FGD1: variants seen among roughly 807,000 people sequenced by gnomAD.
The protein encoded by FGD1 is FYVE, RhoGEF and PH domain-containing protein 1.
Under a neutral mutation model 65.0 loss-of-function variants are expected in FGD1, and 12 were observed. The ratio of observed to expected loss-of-function variants is 0.18; its 90% confidence interval spans 0.12 to 0.30. The LOEUF (loss-of-function observed/expected upper bound fraction) is 0.30. Among genes scored for constraint, FGD1 ranks in the 10% least tolerant of loss-of-function variants. The probability of loss-of-function intolerance (pLI) is 1.00; values close to 1 mark genes in which losing one functional copy is unlikely to be tolerated. For synonymous variants in FGD1, 333 were observed against 343.9 expected, an observed-to-expected ratio of 0.97 and a Z score of 0.35; for missense variants, 542 against 837.6, an observed-to-expected ratio of 0.65 and a Z score of 4.36.
chrX:54,494,402 C>CTTTTT (rs56235590), intron 1 of FGD1, among the ~76,000 whole-genome samples: 15 of 60,691 alleles, frequency 2.5e-4, no homozygotes, highest in East Asian at 6.8e-4. Context: ...CACCGTCTTT[C>CTTTTT]TTTTTTTTTT....
At chrX:54,471,531 C>A in intron 1 of FGD1, 44 bp from the exon 2 acceptor site, 2 of 1,145,763 alleles carry the variant, frequency 1.7e-6, no homozygotes, top group Non-Finnish European at 1.2e-6. Context: ...TGACTTTAAC[C>A]CAAAGGGGAC....
At chrX:54,482,427 C>CG (rs35333446) in intron 1 of FGD1, among the ~76,000 whole-genome samples, 1 of 112,107 alleles carries the variant, frequency 8.9e-6, no homozygotes, top group Admixed American at 9.4e-5. Context: ...TCCCCCGCCC[C>CG]GGGAGGAGCT....
chrX:54,477,938 C>T (rs766364492), intron 1 of FGD1, among the ~76,000 whole-genome samples: 4 of 108,256 alleles, frequency 3.7e-5, no homozygotes, highest in East Asian at 6.0e-4. Flanking sequence ...ACCAACATGG[C>T]GAAACACCGT....
chrX:54,475,662 G>A (rs1434757827), intron 1 of FGD1, among the ~76,000 whole-genome samples: 1 of 112,331 alleles, frequency 8.9e-6, no homozygotes, highest in African/African-American at 3.2e-5. Context: ...TTGGCTCCAA[G>A]TCTTGCTCCC....
chrX:54,473,411 A>T (rs1210207873), intron 1 of FGD1, among the ~76,000 whole-genome samples: 1 of 111,783 alleles, frequency 8.9e-6, no homozygotes, highest in African/African-American at 3.3e-5. Context: ...ACACAATCAC[A>T]TACAGTGGCA....
intron 8 of FGD1, among the ~76,000 whole-genome samples, chrX:54,462,215 G>C (rs1330561794): frequency 9.0e-6 from 1 of 110,932 alleles, no homozygotes; most frequent in Non-Finnish European, 1.9e-5. Flanking sequence ...GGAGGAATGA[G>C]GTACTTACTT....
intron 1 of FGD1, among the ~76,000 whole-genome samples, chrX:54,484,699 G>T (rs931107984): frequency 8.9e-6 from 1 of 112,569 alleles, no homozygotes; most frequent in Non-Finnish European, 1.9e-5. Context: ...CCGTTTGGAG[G>T]TGTCACACCT....
Position 54,464,127 on chromosome X carries a change from C to CTTT in FGD1, c.1636+1321_1636+1323dup, listed in dbSNP as rs1195226924. Among the ~76,000 whole-genome samples the CTTT allele has an allele frequency of 2.8e-3, 139 of 50,514 alleles. 5 individuals carry two copies. The highest frequency in any genetic ancestry group is 7.9e-3 in the African/African-American group (80 of 10,164). The allele number at this position is 50,514 out of a possible 115,157, so 43.9% of individuals were successfully genotyped here. A position where few individuals can be genotyped will look rare whatever the true frequency, so the allele number is the denominator to read the frequency against. On this transcript the variant is annotated intron_variant, in intron 8 of 17. Transcript: ENST00000375135. ...CAGGCACCCACCACCACGCCCAGCTCTTTTTTTTTTTTTTTTTTTTTTTGA... is the reference window on the plus strand; with the variant it reads ...CAGGCACCCACCACCACGCCCAGCTCTTTTTTTTTTTTTTTTTTTTTTTTTTGA...
At chrX:54,468,000 G>A (rs1922804830) in intron 5 of FGD1, 68 bp from the exon 6 acceptor site, 12 of 1,003,711 alleles carry the variant, frequency 1.2e-5, no homozygotes, top group Non-Finnish European at 1.7e-5. Flanking sequence ...GGTGAGGGCA[G>A]TATTTGTGGG....
intron 8 of FGD1, among the ~76,000 whole-genome samples, chrX:54,460,655 C>T (rs1284969401): frequency 1.8e-5 from 2 of 111,822 alleles, no homozygotes; most frequent in African/African-American, 6.5e-5. Context: ...GCAGGAGAAT[C>T]GCTTGAACTT....
At chrX:54,463,370 C>T (rs756563978) in intron 8 of FGD1, among the ~76,000 whole-genome samples, 1 of 111,757 alleles carries the variant, frequency 8.9e-6, no homozygotes, top group Admixed American at 9.6e-5. Context: ...CCAGCATCCA[C>T]TCCACCCTAG....
chrX:54,450,868 G>A (rs1263031180), intron 12 of FGD1, among the ~76,000 whole-genome samples: 1 of 110,949 alleles, frequency 9.0e-6, no homozygotes, highest in Admixed American at 9.6e-5. Flanking sequence ...GGCCAACATG[G>A]TGAAATTCTG....
rs759035116 is a variant in FGD1, at chrX:54,486,941, C to T, written c.307+8185G>A. Among the ~76,000 whole-genome samples, 6 of 105,710 alleles carry T rather than the reference C, an allele frequency of 5.7e-5. No homozygotes were observed. The South Asian group carries it at 2.3e-3, about 40-fold the overall frequency. 91.8% of individuals were successfully genotyped at this position (105,710 alleles called of 115,157 possible). On this transcript the variant is annotated intron_variant, in intron 1 of 17. Coordinates refer to ENST00000375135, the MANE Select transcript of FGD1 (RefSeq NM_004463.3). ...CTGGGAGGTGGAGGTTGCAGTGAGC[C>T]GAGATTGCCACTGCACTCCAGCCTG...
rs147008826 is a variant in FGD1, at chrX:54,465,761, C to A, written c.1432G>T (p.Val478Leu). Reference protein sequence around the residue: ...GEYVKNFDRAVELVNTWTERS... With the variant: ...GEYVKNFDRALELVNTWTERS... ...TCTGTCCAGGTGTTGACCAGCTCCA[C>A]GGCCCGGTCAAAGTTCTTCACATAC... Residue 478 changes from valine to leucine, a missense_variant, in exon 7 of 18, where the codon GTG (valine) becomes TTG (leucine). Val to Leu is a conservative substitution (Grantham distance 32). Coordinates refer to ENST00000375135, the MANE Select transcript of FGD1 (RefSeq NM_004463.3). 6 of 1,209,082 alleles carry A rather than the reference C, an allele frequency of 5.0e-6. No homozygotes were observed. In the African/African-American group the frequency reaches 1.1e-4, roughly 21 times the overall value.
intron 1 of FGD1, among the ~76,000 whole-genome samples, chrX:54,488,527 G>C (rs5915128): frequency 0.079 from 8,757 of 110,322 alleles, 727 homozygotes; most frequent in African/African-American, 0.25. Flanking sequence ...GGAGCTTGCA[G>C]TGAGCCAAGA....
intron 12 of FGD1, 107 bp from the exon 13 acceptor site, chrX:54,450,408 C>T: frequency 1.4e-6 from 1 of 736,911 alleles, no homozygotes; most frequent in Non-Finnish European, 2.1e-6. Flanking sequence ...TGGGCTTGAC[C>T]CTCTTCTTCA....
chrX:54,483,508 T>TC (rs2147442710), intron 1 of FGD1, among the ~76,000 whole-genome samples: 1 of 112,416 alleles, frequency 8.9e-6, no homozygotes, highest in Admixed American at 9.3e-5. Flanking sequence ...ACAGGCGCCT[T>TC]CCCTCCGCGA....
At chrX:54,477,242 C>G (rs1200033154) in intron 1 of FGD1, among the ~76,000 whole-genome samples, 4 of 112,129 alleles carry the variant, frequency 3.6e-5, no homozygotes, top group Non-Finnish European at 7.5e-5. Flanking sequence ...GCCCCACTCT[C>G]AAACCCCTGC....
chrX:54,471,164 C>A, intron 2 of FGD1, 150 bp downstream of exon 2: 1 of 586,096 alleles, frequency 1.7e-6, no homozygotes, highest in Non-Finnish European at 2.8e-6. Context: ...CAGGCCACAG[C>A]ACTCTGTGCA....
Sources: gnomAD v4.1 joint callset for allele counts (sites outside exome capture counted in the v4.1 genomes callset) on GRCh38, gnomAD v4.1.1 for gene constraint, MANE v1.5 for transcripts, NCBI Gene and HGNC (gene_info 2026-07-23, HGNC 2026-07-21) for gene names.